The following CUL4A variants were observed in gnomAD, a reference collection of about 807,000 sequenced individuals.
CUL4A encodes the protein cullin 4A, also known as cullin-4A.
In CUL4A, 16 loss-of-function variants were observed where a neutral mutation model predicts 95.5. The observed-to-expected ratio is 0.17, with a 90% CI of 0.11 to 0.25. The LOEUF is 0.25. Among genes scored for constraint, CUL4A ranks in the 10% least tolerant of loss-of-function variants. The pLI is 1.00. For missense variants in CUL4A, 610 were observed against 937.0 expected (o/e 0.65, Z 4.56); for synonymous variants, 380 against 353.1 (o/e 1.08, Z -0.85).
rs375921473 is a variant in CUL4A at position 113,252,316 on chromosome 13, G to T, written c.1639-766G>T. ...TTTGGGAGGCCGAGGCAGGAGGAGCGCTTGGGCCCAGGATTTCAAGACCAG... is the reference window on the plus strand; with the variant it reads ...TTTGGGAGGCCGAGGCAGGAGGAGCTCTTGGGCCCAGGATTTCAAGACCAG... On this transcript the variant is annotated intron_variant, in intron 15 of 19. Coordinates refer to ENST00000375440, the MANE Select transcript of CUL4A (RefSeq NM_001008895.4). Among the ~76,000 whole-genome samples the T allele has an allele frequency of 3.7e-4, 57 of 152,178 alleles. No homozygotes were observed. The South Asian group carries it at 7.9e-3, about 21-fold the overall frequency.
At chr13:113,218,543 AAC>A (rs2040778669) in intron 2 of CUL4A, among the ~76,000 whole-genome samples, 1 of 152,140 alleles carries the variant, frequency 6.6e-6, no homozygotes, top group South Asian at 2.1e-4. Flanking sequence ...CTTAAACACA[AAC>A]ACACTCCAGT....
Position 113,258,304 on chromosome 13 carries a change from A to G in CUL4A, c.2032-2303A>G, listed in dbSNP as rs536334191. Among the ~76,000 whole-genome samples, 7 of 152,246 alleles carry G rather than the reference A, an allele frequency of 4.6e-5. No individual in the cohort carries two copies. In the South Asian group the frequency reaches 1.2e-3, roughly 27 times the overall value. ...CCGTGCCCGGCACCAGGTTCTTTTA[A>G]TTAATGTAGCTATTCCTATAACTTT... On this transcript the variant is annotated intron_variant, in intron 18 of 19. Coordinates refer to ENST00000375440, the MANE Select transcript of CUL4A (RefSeq NM_001008895.4).
upstream of CUL4A, chr13:113,208,421 C>A (rs1008145563): frequency 1.1e-4 from 157 of 1,488,308 alleles, no homozygotes; most frequent in African/African-American, 1.8e-3. Flanking sequence ...GAACTCGGGC[C>A]GCCTTCCCGA....
In CUL4A at chr13:113,260,515, A is replaced by C; in HGVS notation, c.2032-92A>C. On this transcript the variant is annotated intron_variant, in intron 18 of 19. Coordinates refer to ENST00000375440, the MANE Select transcript of CUL4A (RefSeq NM_001008895.4). The stretch of plus-strand genomic sequence containing the variant: ...CAGTGAGCCGAGATCACACCATTGC[A>C]CTCTAGCCCAGGCAACTGAGTGAGA... 4.3e-6 allele frequency: 5 copies of C among 1,155,088 alleles called. No individual in the cohort carries two copies. In the East Asian group the frequency reaches 1.1e-4, roughly 24 times the overall value. 71.6% of individuals were successfully genotyped at this position (1,155,088 alleles called of 1,614,324 possible).
At chr13:113,209,435 G>A (rs2040243980), upstream of CUL4A, 1 of 168,670 alleles carries the variant, frequency 5.9e-6, no homozygotes. Flanking sequence ...GATCCCTCAG[G>A]AGGGATTCCC....
intron 18 of CUL4A, among the ~76,000 whole-genome samples, chr13:113,256,236 C>T (rs543058056): frequency 6.6e-5 from 10 of 152,168 alleles, no homozygotes; most frequent in Non-Finnish European, 8.8e-5. Flanking sequence ...CGTTGCTGAT[C>T]GCAGTCTTCT....
rs182132322 is a variant in CUL4A at position 113,237,835 on chromosome 13, T to A, written c.916+945T>A. 1.2e-4 allele frequency among the ~76,000 whole-genome samples: 18 copies of A among 152,272 alleles called. No individual in the cohort carries two copies. In the East Asian group the frequency reaches 3.3e-3, roughly 28 times the overall value. On this transcript the variant is annotated intron_variant, in intron 9 of 19. Coordinates refer to ENST00000375440, the MANE Select transcript of CUL4A (RefSeq NM_001008895.4). ...ATGAGATACTTAAGTGAAACCAGAATAAAACCAAAAGGGAGGAGAATTAAC... is the reference window on the plus strand; with the variant it reads ...ATGAGATACTTAAGTGAAACCAGAAAAAAACCAAAAGGGAGGAGAATTAAC...
At chr13:113,236,382 G>A (rs1239122666) in intron 8 of CUL4A, among the ~76,000 whole-genome samples, 2 of 152,162 alleles carry the variant, frequency 1.3e-5, no homozygotes, top group Admixed American at 1.3e-4. Context: ...CAGCCACAGC[G>A]AAGCCCCACA....
At chr13:113,262,433 T>C (rs900833950) in intron 19 of CUL4A, among the ~76,000 whole-genome samples, 1 of 152,150 alleles carries the variant, frequency 6.6e-6, no homozygotes, top group African/African-American at 2.4e-5. Context: ...GGCGGATTGA[T>C]TGAGCCCAGG....
intron 8 of CUL4A, among the ~76,000 whole-genome samples, chr13:113,235,966 G>A (rs543684169): frequency 7.7e-5 from 11 of 143,294 alleles, no homozygotes; most frequent in East Asian, 4.1e-4. Context: ...GCGAGACTCC[G>A]TCTCAAAAAA....
At chr13:113,259,823 G>C (rs940237363) in intron 18 of CUL4A, among the ~76,000 whole-genome samples, 1 of 152,040 alleles carries the variant, frequency 6.6e-6, no homozygotes, top group African/African-American at 2.4e-5. Flanking sequence ...TTGGAGTTTT[G>C]CTATTCTGGG....
intron 4 of CUL4A, among the ~76,000 whole-genome samples, chr13:113,228,518 A>G (rs746823167): frequency 6.6e-6 from 1 of 152,170 alleles, no homozygotes; most frequent in African/African-American, 2.4e-5. Flanking sequence ...TCCGTTTTCT[A>G]AATGATATCA....
Position 113,260,896 on chromosome 13 carries a change from C to T in CUL4A, c.2184+137C>T, listed in dbSNP as rs551356255. ...TGTGTATACACTGAATGTAGAAAAA[C>T]TGGCAAATGTGAAGCTCTTTATTCC... On this transcript the variant is annotated intron_variant, in intron 19 of 19. Transcript: ENST00000375440. 1.3e-5 allele frequency: 9 copies of T among 688,334 alleles called. No individual in the cohort carries two copies. In the East Asian group the frequency reaches 2.3e-4, roughly 18 times the overall value. The allele number at this position is 688,334 out of a possible 1,614,324, so 42.6% of individuals were successfully genotyped here. A position where few individuals can be genotyped will look rare whatever the true frequency, so the allele number is the denominator to read the frequency against.
chr13:113,217,304 T>G (rs2040729947), intron 2 of CUL4A, among the ~76,000 whole-genome samples: 1 of 152,162 alleles, frequency 6.6e-6, no homozygotes, highest in South Asian at 2.1e-4. Context: ...GACCAAATTA[T>G]GAAGATATGG....
rs560191324 is a variant in CUL4A at position 113,229,894 on chromosome 13, C to T, written c.512+375C>T. On this transcript the variant is annotated intron_variant, in intron 5 of 19. Coordinates refer to ENST00000375440, the MANE Select transcript of CUL4A (RefSeq NM_001008895.4). ...GTGGGGTCGCAGCCCTGAGGCTGTGCGTCCCCTGTGGAATGGCTTGCTCAG... is the reference window on the plus strand; with the variant it reads ...GTGGGGTCGCAGCCCTGAGGCTGTGTGTCCCCTGTGGAATGGCTTGCTCAG... 4.5e-4 allele frequency: 201 copies of T among 445,808 alleles called. 1 individual carries two copies. The East Asian group carries it at 6.7e-3, about 15-fold the overall frequency. The allele number at this position is 445,808 out of a possible 1,614,324, so 27.6% of individuals were successfully genotyped here. A position where few individuals can be genotyped will look rare whatever the true frequency, so the allele number is the denominator to read the frequency against.
chr13:113,222,577 A>G (rs1249600219), intron 3 of CUL4A, among the ~76,000 whole-genome samples: 1 of 151,980 alleles, frequency 6.6e-6, no homozygotes, highest in Non-Finnish European at 1.5e-5. Context: ...CCTGTTGTGC[A>G]TTTGGGGCTG....
upstream of CUL4A, among the ~76,000 whole-genome samples, chr13:113,209,245 C>T (rs1318063349): frequency 8.2e-5 from 12 of 147,124 alleles, no homozygotes; most frequent in Non-Finnish European, 1.7e-4. Context: ...CTCCCGATCC[C>T]CTCAGGAGGG....
At chr13:113,236,258 A>T (rs147527975) in intron 8 of CUL4A, among the ~76,000 whole-genome samples, 1 of 152,298 alleles carries the variant, frequency 6.6e-6, no homozygotes, top group East Asian at 1.9e-4. Context: ...GAGGCAGGCC[A>T]GGGTGGCTCG....
intron 2 of CUL4A, among the ~76,000 whole-genome samples, chr13:113,214,597 C>G (rs1250213952): frequency 6.6e-6 from 1 of 152,154 alleles, no homozygotes; most frequent in Non-Finnish European, 1.5e-5. Flanking sequence ...AAACAGTCCT[C>G]CTGCCTTGGC....
Sources: allele counts gnomAD v4.1 joint callset (sites outside exome capture counted in the v4.1 genomes callset), GRCh38; gene constraint gnomAD v4.1.1; transcripts MANE v1.5; gene names NCBI Gene and HGNC (gene_info 2026-07-23, HGNC 2026-07-21).